TSSK6: variants seen among roughly 807,000 people sequenced by gnomAD.
TSSK6 encodes the protein testis specific serine kinase 6.
Under a neutral mutation model 8.5 loss-of-function variants are expected in TSSK6, and 9 were observed. The ratio of observed to expected loss-of-function variants is 1.06; its 90% CI spans 0.64 to 1.85. TSSK6 has a LOEUF of 1.85. Among genes scored for constraint, TSSK6 ranks in the 40% most tolerant of loss-of-function variants. The pLI is 0.00. For missense variants in TSSK6, 311 were observed against 391.5 expected (o/e 0.79, Z 1.73); for synonymous variants, 202 against 182.4 (o/e 1.11, Z -0.86).
Position 19,514,765 on chromosome 19 carries a change from G to A in TSSK6, c.663C>T (p.Pro221=). 2 of 1,602,280 alleles carry A rather than the reference G, an allele frequency of 1.2e-6. No homozygotes were observed. Among genetic ancestry groups the A allele is most frequent in the Non-Finnish European group, 1.7e-6 (2 of 1,179,550 alleles). The change falls in exon 1 of 1, where the codon CCC becomes CCT. Residue 221 remains proline (P), a synonymous_variant. Coordinates refer to ENST00000585580, the MANE Select transcript of TSSK6 (RefSeq NM_032037.4). ...PFDDSDIAGL[P]RRQKRGVLYP... ...AGAGCACGCCGCGTTTCTGGCGCCGGGGCAGGCCGGCGATGTCCGAGTCGT... is the reference window on the plus strand; with the variant it reads ...AGAGCACGCCGCGTTTCTGGCGCCGAGGCAGGCCGGCGATGTCCGAGTCGT...
Position 19,514,269 on chromosome 19 carries a change from A to G in TSSK6, c.*337T>C, listed in dbSNP as rs533599894. The G allele has an allele frequency of 3.2e-6, 1 of 312,952 alleles. No homozygotes were observed. The highest frequency in any genetic ancestry group is 5.9e-6 in the Non-Finnish European group (1 of 168,832). The allele number at this position is 312,952 out of a possible 1,614,324, so 19.4% of individuals were successfully genotyped here. A position where few individuals can be genotyped will look rare whatever the true frequency, so the allele number is the denominator to read the frequency against. ...GGTTCCAACCGGGAACCTGGCACCCACGGCTGGTTGGGAAGGGACGCCCTC... is the reference window on the plus strand; with the variant it reads ...GGTTCCAACCGGGAACCTGGCACCCGCGGCTGGTTGGGAAGGGACGCCCTC... On this transcript the variant is annotated 3_prime_UTR_variant, in exon 1 of 1. Coordinates refer to ENST00000585580, the MANE Select transcript of TSSK6 (RefSeq NM_032037.4).
In TSSK6 at chr19:19,514,414, G is replaced by C. The variant is rs1049302420; in HGVS notation, c.*192C>G. 1.6e-5 allele frequency: 10 copies of C among 615,846 alleles called. No homozygotes were observed. Among genetic ancestry groups the C allele is most frequent in the Non-Finnish European group, 2.8e-5 (10 of 362,424 alleles). The allele number at this position is 615,846 out of a possible 1,614,324, so 38.1% of individuals were successfully genotyped here. The stretch of plus-strand genomic sequence containing the variant: ...ATGCGCCTCCAGCTCCCGGGATCGC[G>C]GGGAACGTGGATTCCGAACAAGGGC... On this transcript the variant is annotated 3_prime_UTR_variant, in exon 1 of 1. Transcript: ENST00000585580.
chr19:19,514,430 G>T lies in TSSK6; in HGVS notation c.*176C>A. 1.5e-6 allele frequency: 1 copy of T among 667,596 alleles called. No individual in the cohort carries two copies. The highest frequency in any genetic ancestry group is 2.5e-6 in the Non-Finnish European group (1 of 406,196). 41.4% of individuals were successfully genotyped at this position (667,596 alleles called of 1,614,324 possible). A position where few individuals can be genotyped will look rare whatever the true frequency, so the allele number is the denominator to read the frequency against. ...CGGGATCGCGGGGAACGTGGATTCC[G>T]AACAAGGGCAACTGCGGACTCCCCC... On this transcript the variant is annotated 3_prime_UTR_variant, in exon 1 of 1. Transcript: ENST00000585580.
Position 19,514,446 on chromosome 19 carries a change from G to A in TSSK6, c.*160C>T. ...GTGGATTCCGAACAAGGGCAACTGC[G>A]GACTCCCCCGTGGGAAGAAAGGGAG... On this transcript the variant is annotated 3_prime_UTR_variant, in exon 1 of 1. Transcript: ENST00000585580. 2 of 722,376 alleles carry A rather than the reference G, an allele frequency of 2.8e-6. No homozygotes were observed. The highest frequency in any genetic ancestry group is 1.8e-5 in the African/African-American group (1 of 55,512). 44.7% of individuals were successfully genotyped at this position (722,376 alleles called of 1,614,324 possible). A position where few individuals can be genotyped will look rare whatever the true frequency, so the allele number is the denominator to read the frequency against.
Position 19,515,538 on chromosome 19 carries a change from A to G in TSSK6, c.-111T>C. ...TTGGCACCTACACCCCCGCACCCCC[A>G]TGTGCCCACTGCCAGACATTGGCCG... is the stretch of plus-strand genomic sequence containing the variant. On this transcript the variant is annotated 5_prime_UTR_variant, in exon 1 of 1. The change abolishes an upstream ATG in the 5' untranslated region. Transcript: ENST00000585580. 1 of 979,592 alleles carries G rather than the reference A, an allele frequency of 1.0e-6. No individual in the cohort carries two copies. Among genetic ancestry groups the G allele is most frequent in the East Asian group, 2.5e-5 (1 of 40,342 alleles). 60.7% of individuals were successfully genotyped at this position (979,592 alleles called of 1,614,324 possible).
rs745675330 is a variant in TSSK6, at chr19:19,515,065, G to A, written c.363C>T (p.Gly121=). 3.7e-6 allele frequency: 6 copies of A among 1,608,678 alleles called. No individual in the cohort carries two copies. Among genetic ancestry groups the A allele is most frequent in the Middle Eastern group, 1.7e-4 (1 of 6,056 alleles). Residue 121 remains glycine, a synonymous_variant, in exon 1 of 1, where the codon GGC becomes GGT. Transcript: ENST00000585580. The part of the protein sequence containing the change: ...QARDLFAQIA[G]AVRYLHDHHL... ...GATGATCGTGCAGGTAGCGCACGGC[G>A]CCGGCGATCTGCGCAAAGAGGTCGC...
Position 19,514,761 on chromosome 19 carries a change from G to A in TSSK6, c.667C>T (p.Arg223Cys), listed in dbSNP as rs1332515469. The A allele has an allele frequency of 1.2e-6, 2 of 1,602,170 alleles. No homozygotes were observed. Among genetic ancestry groups the A allele is most frequent in the Non-Finnish European group, 8.5e-7 (1 of 1,179,538 alleles). Residue 223 changes from arginine to cysteine, a missense_variant, in exon 1 of 1, where the codon CGC becomes TGC. Transcript: ENST00000585580. ...GGATAGAGCACGCCGCGTTTCTGGC[G>A]CCGGGGCAGGCCGGCGATGTCCGAG... ...DDSDIAGLPR[R>C]QKRGVLYPEG...
At position 19,514,520 on chromosome 19, in the gene TSSK6, CAT is replaced by C. The variant is rs2061035883; in HGVS notation, c.*84_*85del. 1 of 1,251,544 alleles carries C rather than the reference CAT, an allele frequency of 8.0e-7. No individual in the cohort carries two copies. The highest frequency in any genetic ancestry group is 1.5e-5 in the African/African-American group (1 of 65,710). 77.5% of individuals were successfully genotyped at this position (1,251,544 alleles called of 1,614,324 possible). A position where few individuals can be genotyped will look rare whatever the true frequency, so the allele number is the denominator to read the frequency against. ...TGTGCAGCAGCACGCGGCAGCTTCG[CAT>C]ATTCCCTCGAAGCGCGCCTCTTGCG... On this transcript the variant is annotated 3_prime_UTR_variant, in exon 1 of 1. Coordinates refer to ENST00000585580, the MANE Select transcript of TSSK6 (RefSeq NM_032037.4).
chr19:19,514,330 C>T lies in TSSK6; in HGVS notation c.*276G>A, dbSNP rs1410149312. The T allele has an allele frequency of 2.0e-6, 1 of 496,540 alleles. No individual in the cohort carries two copies. The highest frequency in any genetic ancestry group is 3.2e-5 in the East Asian group (1 of 31,156). The allele number at this position is 496,540 out of a possible 1,614,324, so 30.8% of individuals were successfully genotyped here. ...CTGAGAGTTCCGCGCAGGCGCAATG[C>T]TTCCGTCCCCTCTGGTCTCGCCCTC... On this transcript the variant is annotated 3_prime_UTR_variant, in exon 1 of 1. Coordinates refer to ENST00000585580, the MANE Select transcript of TSSK6 (RefSeq NM_032037.4).
Position 19,514,414 on chromosome 19 carries a change from G to A in TSSK6, c.*192C>T, listed in dbSNP as rs1049302420. On this transcript the variant is annotated 3_prime_UTR_variant, in exon 1 of 1. Coordinates refer to ENST00000585580, the MANE Select transcript of TSSK6 (RefSeq NM_032037.4). ...ATGCGCCTCCAGCTCCCGGGATCGCGGGGAACGTGGATTCCGAACAAGGGC... is the reference window on the plus strand; with the variant it reads ...ATGCGCCTCCAGCTCCCGGGATCGCAGGGAACGTGGATTCCGAACAAGGGC... 4.9e-6 allele frequency: 3 copies of A among 615,846 alleles called. No individual in the cohort carries two copies. Among genetic ancestry groups the A allele is most frequent in the South Asian group, 2.2e-5 (1 of 44,940 alleles). 38.1% of individuals were successfully genotyped at this position (615,846 alleles called of 1,614,324 possible). A position where few individuals can be genotyped will look rare whatever the true frequency, so the allele number is the denominator to read the frequency against.
At position 19,515,143 on chromosome 19, in the gene TSSK6, G is replaced by A. The variant is rs1332232091; in HGVS notation, c.285C>T (p.Thr95=). 3 of 1,605,832 alleles carry A rather than the reference G, an allele frequency of 1.9e-6. No individual in the cohort carries two copies. The highest frequency in any genetic ancestry group is 1.1e-5 in the South Asian group (1 of 91,078). The part of the protein sequence containing the change: ...KLYIVMEAAA[T]DLLQAVQRNG... The stretch of plus-strand genomic sequence containing the variant: ...TGCGCTGCACGGCTTGCAGCAGGTC[G>A]GTGGCGGCCGCTTCCATCACGATGT... Residue 95 remains threonine (T), a synonymous_variant, in exon 1 of 1, where the codon ACC becomes ACT. Transcript: ENST00000585580.
In TSSK6 at chr19:19,515,209, C is replaced by T. The variant is rs1178821370; in HGVS notation, c.219G>A (p.Val73=). The T allele has an allele frequency of 6.2e-7, 1 of 1,611,120 alleles. No individual in the cohort carries two copies. Among genetic ancestry groups the T allele is most frequent in the Non-Finnish European group, 8.5e-7 (1 of 1,179,988 alleles). The part of the protein sequence containing the change: ...ILRGVRHPHI[V]HVFEFIEVCN... ...ACACCTCGATGAACTCGAAGACGTG[C>T]ACGATGTGCGGGTGTCGCACGCCCC... The change falls in exon 1 of 1, where the codon GTG becomes GTA. Residue 73 remains valine (V), a synonymous_variant. Coordinates refer to ENST00000585580, the MANE Select transcript of TSSK6 (RefSeq NM_032037.4).
rs1311826489 is a variant in TSSK6 at position 19,514,429 on chromosome 19, C to T, written c.*177G>A. ...CCGGGATCGCGGGGAACGTGGATTC[C>T]GAACAAGGGCAACTGCGGACTCCCC... On this transcript the variant is annotated 3_prime_UTR_variant, in exon 1 of 1. Coordinates refer to ENST00000585580, the MANE Select transcript of TSSK6 (RefSeq NM_032037.4). 52 of 660,956 alleles carry T rather than the reference C, an allele frequency of 7.9e-5. 1 individual carries two copies. In the South Asian group the frequency reaches 1.0e-3, roughly 13 times the overall value. The allele number at this position is 660,956 out of a possible 1,614,324, so 40.9% of individuals were successfully genotyped here. A position where few individuals can be genotyped will look rare whatever the true frequency, so the allele number is the denominator to read the frequency against.
chr19:19,514,431 A>G lies in TSSK6; in HGVS notation c.*175T>C, dbSNP rs2061035230. On this transcript the variant is annotated 3_prime_UTR_variant, in exon 1 of 1. Coordinates refer to ENST00000585580, the MANE Select transcript of TSSK6 (RefSeq NM_032037.4). ...GGGATCGCGGGGAACGTGGATTCCG[A>G]ACAAGGGCAACTGCGGACTCCCCCG... 1 of 669,020 alleles carries G rather than the reference A, an allele frequency of 1.5e-6. No homozygotes were observed. Among genetic ancestry groups the G allele is most frequent in the East Asian group, 2.8e-5 (1 of 35,648 alleles). 41.4% of individuals were successfully genotyped at this position (669,020 alleles called of 1,614,324 possible).
In TSSK6 at chr19:19,514,611, C is replaced by G. The variant is rs781000876; in HGVS notation, c.817G>C (p.Gly273Arg). The G allele has an allele frequency of 6.3e-7, 1 of 1,575,696 alleles. No individual in the cohort carries two copies. Among genetic ancestry groups the G allele is most frequent in the Admixed American group, 1.8e-5 (1 of 56,906 alleles). Reference sequence around the variant, plus strand: ...TGGCTGGAACCACCCGGCTTCTAGCCGGAGTCCCCGGCGCGCAGCCAGCAG... The same window carrying G: ...TGGCTGGAACCACCCGGCTTCTAGCGGGAGTCCCCGGCGCGCAGCCAGCAG... Reference protein sequence around the residue: ...RNCWLRAGDSG With the variant: ...RNCWLRAGDSR Residue 273 changes from glycine to arginine, a missense_variant, in exon 1 of 1, where the codon GGC becomes CGC. Gly to Arg is a moderately radical substitution (Grantham distance 125). Coordinates refer to ENST00000585580, the MANE Select transcript of TSSK6 (RefSeq NM_032037.4).
chr19:19,515,497 G>A lies in TSSK6; in HGVS notation c.-70C>T. ...GGGGGCGGCCGGACTCCAATCTCGG[G>A]TCTAAGCCATGGCGCTTGGCACCTA... is the stretch of plus-strand genomic sequence containing the variant. On this transcript the variant is annotated 5_prime_UTR_variant, in exon 1 of 1. Coordinates refer to ENST00000585580, the MANE Select transcript of TSSK6 (RefSeq NM_032037.4). 1.4e-6 allele frequency: 2 copies of A among 1,447,840 alleles called. 1 individual carries two copies. Among genetic ancestry groups the A allele is most frequent in the South Asian group, 2.6e-5 (2 of 78,080 alleles). 89.7% of individuals were successfully genotyped at this position (1,447,840 alleles called of 1,614,324 possible). A position where few individuals can be genotyped will look rare whatever the true frequency, so the allele number is the denominator to read the frequency against.
In TSSK6 at chr19:19,515,086, G is replaced by A. The variant is rs2061039810; in HGVS notation, c.342C>T (p.Asp114=). The A allele has an allele frequency of 1.0e-5, 16 of 1,606,268 alleles. 1 individual carries two copies. Among genetic ancestry groups the A allele is most frequent in the South Asian group, 5.5e-5 (5 of 90,886 alleles). Residue 114 remains aspartate, a synonymous_variant, in exon 1 of 1, where the codon GAC becomes GAT. Transcript: ENST00000585580. ...NGRIPGVQAR[D]LFAQIAGAVR... is the part of the protein sequence containing the mutation. ...CGGCGCCGGCGATCTGCGCAAAGAG[G>A]TCGCGCGCCTGAACTCCGGGGATGC...
In TSSK6 at chr19:19,514,850, T is replaced by C; in HGVS notation, c.578A>G (p.Tyr193Cys). The change falls in exon 1 of 1, where the codon TAC becomes TGC. Residue 193 changes from tyrosine to cysteine, a missense_variant. By Grantham distance (194) the Tyr-to-Cys change is radical. Coordinates refer to ENST00000585580, the MANE Select transcript of TSSK6 (RefSeq NM_032037.4). ...CACGACGCCCATGCTCCACACATCGTACTTCTTGGGGTCGTAGGGGATGCC... is the reference window on the plus strand; with the variant it reads ...CACGACGCCCATGCTCCACACATCGCACTTCTTGGGGTCGTAGGGGATGCC... The part of the protein sequence containing the change: ...LLGIPYDPKK[Y>C]DVWSMGVVLY... 1.2e-6 allele frequency: 2 copies of C among 1,600,110 alleles called. No homozygotes were observed. The highest frequency in any genetic ancestry group is 1.7e-6 in the Non-Finnish European group (2 of 1,178,584).
chr19:19,514,613 G>T lies in TSSK6; in HGVS notation c.815C>A (p.Ser272Tyr). ...GCTGGAACCACCCGGCTTCTAGCCG[G>T]AGTCCCCGGCGCGCAGCCAGCAGTT... Reference protein sequence around the residue: ...ARNCWLRAGDSG With the variant: ...ARNCWLRAGDYG The change falls in exon 1 of 1, where the codon TCC becomes TAC. Residue 272 changes from serine (S) to tyrosine (Y), a missense_variant. By Grantham distance (144) the Ser-to-Tyr change is moderately radical. Transcript: ENST00000585580. 1 of 1,578,262 alleles carries T rather than the reference G, an allele frequency of 6.3e-7. No individual in the cohort carries two copies. The highest frequency in any genetic ancestry group is 8.6e-7 in the Non-Finnish European group (1 of 1,167,344).
Sources: gnomAD v4.1 joint callset for allele counts on GRCh38, gnomAD v4.1.1 for gene constraint, MANE v1.5 for transcripts, NCBI Gene and HGNC (gene_info 2026-07-23, HGNC 2026-07-21) for gene names.